The following CDC27 variants were observed in gnomAD, a reference collection of about 807,000 sequenced individuals.
The protein encoded by CDC27 is cell division cycle protein 27 homolog.
A neutral mutation model predicts 109.7 loss-of-function variants in CDC27; 27 were observed. The observed-to-expected ratio is 0.25, with a 90% confidence interval of 0.18 to 0.34. The LOEUF (loss-of-function observed/expected upper bound fraction) is 0.34. CDC27 is among the 10% of genes least tolerant of loss of function. CDC27 has a pLI of 1.00. For synonymous variants in CDC27, 266 were observed against 333.9 expected (o/e 0.80, Z 2.22); for missense variants, 579 against 960.2 (o/e 0.60, Z 5.25).
At chr17:47,155,405 C>T (rs889828088) in intron 7 of CDC27, among the ~76,000 whole-genome samples, 5 of 152,034 alleles carry the variant, frequency 3.3e-5, no homozygotes, top group African/African-American at 9.7e-5. Flanking sequence ...GTCACCATGC[C>T]GGGCTAATTT....
At chr17:47,164,099 TTTTC>T (rs1215207694) in intron 4 of CDC27, among the ~76,000 whole-genome samples, 3 of 152,204 alleles carry the variant, frequency 2.0e-5, no homozygotes, top group Admixed American at 6.5e-5. Context: ...CTACTGTATC[TTTTC>T]TTTGTTTAGA....
chr17:47,147,959 C>T (rs1357482721), intron 9 of CDC27, among the ~76,000 whole-genome samples: 1 of 148,292 alleles, frequency 6.7e-6, no homozygotes, highest in African/African-American at 2.5e-5. Flanking sequence ...CCAGCACTTT[C>T]GGAGGCCAAG....
chr17:47,160,472 C>T (rs528659431), intron 4 of CDC27, among the ~76,000 whole-genome samples: 6 of 152,220 alleles, frequency 3.9e-5, no homozygotes, highest in Non-Finnish European at 5.9e-5. Flanking sequence ...GTGATCCACC[C>T]GCTTCAGCCT....
rs2148847467 is a variant in CDC27, at chr17:47,137,063, C to A, written c.1913+89G>T. On this transcript the variant is annotated intron_variant, in intron 14 of 18. Transcript: ENST00000066544. Reference sequence around the variant, plus strand: ...ATCCCTAAGTATAAGTAACCAAATTCATGATAATAAAGAGCTATCTAACAA... The same window carrying A: ...ATCCCTAAGTATAAGTAACCAAATTAATGATAATAAAGAGCTATCTAACAA... 3 of 644,864 alleles carry A rather than the reference C, an allele frequency of 4.7e-6. No individual in the cohort carries two copies. The East Asian group carries it at 9.2e-5, about 20-fold the overall frequency. 39.9% of individuals were successfully genotyped at this position (644,864 alleles called of 1,614,324 possible).
chr17:47,132,988 CATATATAT>C (rs1158266100), intron 14 of CDC27, among the ~76,000 whole-genome samples: 743 of 40,882 alleles, frequency 0.018, 30 homozygotes, highest in African/African-American at 0.061. Context: ...TGCCCAGGCG[CATATATAT>C]ATATATATAT....
chr17:47,151,628 T>A (rs1437080872), intron 9 of CDC27, among the ~76,000 whole-genome samples, 178 bp downstream of exon 9: 2 of 152,214 alleles, frequency 1.3e-5, no homozygotes, highest in Non-Finnish European at 2.9e-5. Flanking sequence ...TTCTGTGCAT[T>A]ACAAAACTCA....
rs2061911863 is a variant in CDC27, at chr17:47,117,980, T to C, written c.*2955A>G. On this transcript the variant is annotated 3_prime_UTR_variant, in exon 19 of 19. Coordinates refer to ENST00000066544, the MANE Select transcript of CDC27 (RefSeq NM_001256.6). ...CATATCCTTTAATGAATTGCAAATA[T>C]ATTAACAGAAAAGACTTTCCCCCTC... 3.3e-5 allele frequency: 5 copies of C among 152,230 alleles called. No individual in the cohort carries two copies. The highest frequency in any genetic ancestry group is 3.3e-4 in the Admixed American group (5 of 15,278). 9.4% of individuals were successfully genotyped at this position (152,230 alleles called of 1,614,324 possible). A position where few individuals can be genotyped will look rare whatever the true frequency, so the allele number is the denominator to read the frequency against.
At chr17:47,125,967 T>C (rs528296432) in intron 16 of CDC27, among the ~76,000 whole-genome samples, 3 of 152,358 alleles carry the variant, frequency 2.0e-5, no homozygotes, top group African/African-American at 7.2e-5. Flanking sequence ...CAACATTTCA[T>C]GCAACCAGCA....
intron 16 of CDC27, among the ~76,000 whole-genome samples, chr17:47,125,376 A>G (rs1039064605): frequency 2.7e-5 from 4 of 147,592 alleles, no homozygotes; most frequent in Admixed American, 1.4e-4. Context: ...CCTCCTGAGC[A>G]GCTGGAATTA....
intron 4 of CDC27, chr17:47,159,115 C>G: frequency 3.3e-6 from 1 of 299,386 alleles, no homozygotes. Flanking sequence ...TTAAATATAG[C>G]ATAAATGACC....
chr17:47,129,474 G>C lies in CDC27; in HGVS notation c.2079C>G (p.Asn693Lys), dbSNP rs2062251249. ...KKSEKALDTL[N>K]KAIVIDPKNP... ...TCTTGGGATCAATGACAATGGCTTTGTTTAGGGTATCCAAAGCCTTCTCTG... is the reference window on the plus strand; with the variant it reads ...TCTTGGGATCAATGACAATGGCTTTCTTTAGGGTATCCAAAGCCTTCTCTG... The change falls in exon 16 of 19, where the codon AAC becomes AAG. Residue 693 changes from asparagine to lysine, a missense_variant. By Grantham distance (94) the Asn-to-Lys change is moderately conservative. Around this residue, in one of 9 missense-constraint regions of CDC27, gnomAD observed 227 missense variants for 363.6 expected, o/e 0.62. Coordinates refer to ENST00000066544, the MANE Select transcript of CDC27 (RefSeq NM_001256.6). The C allele has an allele frequency of 6.2e-7, 1 of 1,609,220 alleles. No homozygotes were observed.
Position 47,181,632 on chromosome 17 carries a change from A to G in CDC27, c.33T>C (p.Ala11=). The G allele has an allele frequency of 6.3e-7, 1 of 1,596,134 alleles. No homozygotes were observed. The highest frequency in any genetic ancestry group is 2.2e-5 in the East Asian group (1 of 44,750). The part of the protein sequence containing the change: MTVLQEPVQA[A]IWQALNHYAY... ...CATAGTGGTTTAGTGCTTGCCATAT[A>G]GCAGCCTGCAAATGGAGGAAAAAGA... The change falls in exon 2 of 19, where the codon GCT becomes GCC. Residue 11 remains alanine, a synonymous_variant. Coordinates refer to ENST00000066544, the MANE Select transcript of CDC27 (RefSeq NM_001256.6).
chr17:47,157,031 G>A lies in CDC27; in HGVS notation c.724C>T (p.Pro242Ser), dbSNP rs7350908. ...CCTGTTCCCAGTGGGACAGTATCAGGTGAAATTACAGCTGAATCAATATAA... is the reference window on the plus strand; with the variant it reads ...CCTGTTCCCAGTGGGACAGTATCAGATGAAATTACAGCTGAATCAATATAA... ...VSYIDSAVIS[P>S]DTVPLGTGTS... The change falls in exon 7 of 19, where the codon CCT becomes TCT. Residue 242 changes from proline (P) to serine (S), a missense_variant. Around this residue, in one of 9 missense-constraint regions of CDC27, gnomAD observed 74 missense variants for 148.9 expected, o/e 0.50. Coordinates refer to ENST00000066544, the MANE Select transcript of CDC27 (RefSeq NM_001256.6). 3 of 1,575,178 alleles carry A rather than the reference G, an allele frequency of 1.9e-6. No homozygotes were observed. The African/African-American group carries it at 4.1e-5, about 21-fold the overall frequency.
At chr17:47,125,299 T>C (rs1471371609) in intron 16 of CDC27, among the ~76,000 whole-genome samples, 2 of 130,658 alleles carry the variant, frequency 1.5e-5, no homozygotes, top group Non-Finnish European at 3.1e-5. Flanking sequence ...CAGGCTGGAG[T>C]GTGGTGTCGT....
At chr17:47,176,475 C>T (rs2064009992) in intron 2 of CDC27, among the ~76,000 whole-genome samples, 1 of 152,078 alleles carries the variant, frequency 6.6e-6, no homozygotes, top group Non-Finnish European at 1.5e-5. Flanking sequence ...TATTTTAAAA[C>T]CACGCTTAGA....
chr17:47,176,927 T>C (rs2064036316), intron 2 of CDC27, among the ~76,000 whole-genome samples: 1 of 152,110 alleles, frequency 6.6e-6, no homozygotes, highest in Non-Finnish European at 1.5e-5. Context: ...TTTTTTTTTA[T>C]ATGTTGCCAT....
chr17:47,146,356 C>T (rs1160464087), intron 9 of CDC27, among the ~76,000 whole-genome samples: 2 of 152,190 alleles, frequency 1.3e-5, no homozygotes, highest in Non-Finnish European at 2.9e-5. Context: ...GCAGTTCAGA[C>T]AGTTCTTGTT....
intron 2 of CDC27, chr17:47,181,203 T>C (rs2064213125): frequency 1.6e-5 from 2 of 127,066 alleles, no homozygotes; most frequent in African/African-American, 6.3e-5. Context: ...TGCAGTGAGC[T>C]GAGATGGTCC....
chr17:47,135,622 G>A (rs2062558822), intron 14 of CDC27, among the ~76,000 whole-genome samples: 1 of 152,158 alleles, frequency 6.6e-6, no homozygotes, highest in Non-Finnish European at 1.5e-5. Flanking sequence ...TTAGAATAAA[G>A]TTGCTCAGTA....
Sources: gnomAD v4.1 joint callset for allele counts (sites outside exome capture counted in the v4.1 genomes callset) on GRCh38, gnomAD v4.1.1 for gene constraint, gnomAD v4.1.1 regional missense constraint, MANE v1.5 for transcripts, NCBI Gene and HGNC (gene_info 2026-07-23, HGNC 2026-07-21) for gene names.